PCDH9: variants seen among roughly 807,000 people sequenced by gnomAD.
The protein encoded by PCDH9 is protocadherin-9.
PCDH9 carries 24 observed loss-of-function variants against 70.6 expected under a neutral mutation model. The ratio of observed to expected loss-of-function variants is 0.34; its 90% confidence interval spans 0.25 to 0.48. The LOEUF is 0.48. Among genes scored for constraint, PCDH9 ranks in the 20% least tolerant of loss-of-function variants. The pLI, the probability that PCDH9 is intolerant of heterozygous loss-of-function variation, is 0.99. For missense variants in PCDH9, 1,281 were observed against 1,503.6 expected (o/e 0.85, Z 2.45); for synonymous variants, 562 against 558.5 (o/e 1.01, Z -0.09).
At chr13:66,357,793 A>C (rs750605287) in intron 4 of PCDH9, among the ~76,000 whole-genome samples, 1 of 152,110 alleles carries the variant, frequency 6.6e-6, no homozygotes, top group South Asian at 2.1e-4. Flanking sequence ...TCTGCAGCTG[A>C]GAACACAGCT....
At chr13:66,748,565 T>G (rs12865964) in intron 3 of PCDH9, among the ~76,000 whole-genome samples, 42,544 of 152,124 alleles carry the variant, frequency 0.28, 6,470 homozygotes, top group East Asian at 0.45. Flanking sequence ...CCACTGTGTC[T>G]CTACTTGATC....
chr13:66,342,475 A>G (rs1380074045), intron 4 of PCDH9, among the ~76,000 whole-genome samples: 2 of 152,236 alleles, frequency 1.3e-5, no homozygotes, highest in South Asian at 2.1e-4. Flanking sequence ...TCCTTATAAC[A>G]GGATAGTTAC....
At chr13:66,653,778 T>A (rs981906658) in intron 3 of PCDH9, among the ~76,000 whole-genome samples, 1 of 151,746 alleles carries the variant, frequency 6.6e-6, no homozygotes, top group African/African-American at 2.4e-5. Flanking sequence ...CCATCCTGGC[T>A]AACACACTGA....
intron 3 of PCDH9, among the ~76,000 whole-genome samples, chr13:66,893,791 C>T (rs138969526): frequency 1.8e-4 from 27 of 152,196 alleles, no homozygotes; most frequent in South Asian, 4.2e-4. Flanking sequence ...TAATTTTTCA[C>T]GTTGCCATTG....
intron 2 of PCDH9, among the ~76,000 whole-genome samples, chr13:66,917,265 G>A (rs2082571776): frequency 6.6e-6 from 1 of 151,432 alleles, no homozygotes; most frequent in Non-Finnish European, 1.5e-5. Context: ...GGGCCTTTGA[G>A]AATATGTTGC....
chr13:66,450,585 C>T, intron 4 of PCDH9, among the ~76,000 whole-genome samples: 1 of 152,252 alleles, frequency 6.6e-6, no homozygotes, highest in Middle Eastern at 3.4e-3. Flanking sequence ...CATACAAGAC[C>T]ATTTGAATAA....
chr13:66,559,241 G>C (rs1237672262), intron 4 of PCDH9, among the ~76,000 whole-genome samples: 6 of 152,088 alleles, frequency 3.9e-5, no homozygotes, highest in Non-Finnish European at 7.4e-5. Context: ...AGTAATCTTG[G>C]TGATGTAGTA....
chr13:66,342,423 C>T (rs1273789016), intron 4 of PCDH9, among the ~76,000 whole-genome samples: 2 of 152,142 alleles, frequency 1.3e-5, no homozygotes, highest in South Asian at 2.1e-4. Context: ...GGTTATAAAC[C>T]GTTTACTATA....
At chr13:66,522,440 GAC>G in intron 4 of PCDH9, among the ~76,000 whole-genome samples, 1 of 152,178 alleles carries the variant, frequency 6.6e-6, no homozygotes. Flanking sequence ...CAATAAGAAA[GAC>G]AATTACAACA....
intron 2 of PCDH9, among the ~76,000 whole-genome samples, chr13:67,018,260 C>T (rs1054057115): frequency 2.6e-5 from 4 of 151,918 alleles, no homozygotes. Flanking sequence ...AGAAAAGAGT[C>T]ATAAATGGGT....
rs187582842 is a variant in PCDH9, at chr13:67,171,934, G to A, written c.3036+53471C>T. On this transcript the variant is annotated intron_variant, in intron 2 of 4. Coordinates refer to ENST00000377865, the MANE Select transcript of PCDH9 (RefSeq NM_203487.3). ...CTGCTAGAGGTATCTGCCTTACATC[G>A]CCTGCTCTCAAAGATGTGAAAGTAT... is the stretch of plus-strand genomic sequence containing the variant. Among the ~76,000 whole-genome samples, 176 of 152,110 alleles carry A rather than the reference G, an allele frequency of 1.2e-3. 1 individual carries two copies. The highest frequency in any genetic ancestry group is 4.0e-3 in the African/African-American group (166 of 41,490).
intron 3 of PCDH9, among the ~76,000 whole-genome samples, chr13:66,750,892 G>A (rs1245851007): frequency 1.3e-5 from 2 of 152,066 alleles, no homozygotes; most frequent in Non-Finnish European, 2.9e-5. Context: ...TAGATGGCAT[G>A]TTTTACTTAT....
chr13:66,950,315 G>C (rs2139700593), intron 2 of PCDH9, among the ~76,000 whole-genome samples: 1 of 152,120 alleles, frequency 6.6e-6, no homozygotes, highest in South Asian at 2.1e-4. Context: ...CCACTTAATA[G>C]CTGTGAGATT....
intron 2 of PCDH9, among the ~76,000 whole-genome samples, chr13:66,984,833 T>C (rs558106868): frequency 2.6e-5 from 4 of 152,182 alleles, no homozygotes; most frequent in Non-Finnish European, 4.4e-5. Context: ...TTTCTGTTTT[T>C]AGGGGTCACT....
At chr13:66,786,541 CT>C (rs1248883370) in intron 3 of PCDH9, among the ~76,000 whole-genome samples, 1 of 152,176 alleles carries the variant, frequency 6.6e-6, no homozygotes, top group African/African-American at 2.4e-5. Context: ...AGCTATTGAT[CT>C]GATTGCATCA....
chr13:66,419,780 T>TC (rs1050752706), intron 4 of PCDH9, among the ~76,000 whole-genome samples: 10 of 133,288 alleles, frequency 7.5e-5, no homozygotes, highest in East Asian at 6.8e-4. Flanking sequence ...TTTTTTTTTT[T>TC]CCCCCAGTGG....
intron 3 of PCDH9, among the ~76,000 whole-genome samples, chr13:66,734,429 C>T (rs968346266): frequency 6.6e-5 from 10 of 152,226 alleles, no homozygotes; most frequent in South Asian, 2.1e-4. Flanking sequence ...TTGTGAGCTT[C>T]GTGGAGTTCT....
chr13:66,336,301 G>A (rs767450841), intron 4 of PCDH9, among the ~76,000 whole-genome samples: 13 of 151,222 alleles, frequency 8.6e-5, no homozygotes, highest in South Asian at 8.3e-4. Context: ...TACTGTACCC[G>A]CTGAGAATAC....
chr13:66,789,905 C>CA (rs1349977721), intron 3 of PCDH9, among the ~76,000 whole-genome samples: 2 of 152,056 alleles, frequency 1.3e-5, no homozygotes, highest in African/African-American at 2.4e-5. Context: ...TATTCTTCAG[C>CA]AAAAAATTCT....
Sources: gnomAD v4.1 joint callset for allele counts (sites outside exome capture counted in the v4.1 genomes callset) on GRCh38, gnomAD v4.1.1 for gene constraint, MANE v1.5 for transcripts, NCBI Gene and HGNC (gene_info 2026-07-23, HGNC 2026-07-21) for gene names.